The following ZNF792 variants were observed in gnomAD, a reference collection of about 807,000 sequenced individuals.
The protein encoded by ZNF792 is zinc finger protein 792.
A neutral mutation model predicts 13.1 loss-of-function variants in ZNF792; 14 were observed. The observed-to-expected ratio is 1.07, with a 90% CI of 0.71 to 1.67. The LOEUF is 1.67. Ranked by LOEUF, ZNF792 falls within the 40% of genes most tolerant of loss-of-function variation. The pLI, the probability that ZNF792 is intolerant of heterozygous loss-of-function variation, is 0.00. For missense variants in ZNF792, 740 were observed against 807.9 expected (o/e 0.92, Z 1.02); for synonymous variants, 257 against 292.0 (o/e 0.88, Z 1.22).
chr19:34,959,372 C>A lies in ZNF792; in HGVS notation c.483G>T (p.Val161=), dbSNP rs1351954142. 1.9e-6 allele frequency: 3 copies of A among 1,614,026 alleles called. No individual in the cohort carries two copies. The highest frequency in any genetic ancestry group is 2.7e-5 in the African/African-American group (2 of 74,940). ...QTTHPRQKPF[V]CEAYVKGSEF... ...CAGAGCCTTTCACATATGCCTCACA[C>A]ACAAATGGTTTCTGCCTGGGATGTG... Residue 161 remains valine, a synonymous_variant, in exon 4 of 4, where the codon GTG becomes GTT. Coordinates refer to ENST00000404801, the MANE Select transcript of ZNF792 (RefSeq NM_175872.5).
In ZNF792 at chr19:34,963,909, G is replaced by C. The variant is rs891328130; in HGVS notation, c.-247C>G. The C allele has an allele frequency of 2.1e-6, 1 of 478,000 alleles. No individual in the cohort carries two copies. The highest frequency in any genetic ancestry group is 2.0e-5 in the African/African-American group (1 of 48,890). The allele number at this position is 478,000 out of a possible 1,614,324, so 29.6% of individuals were successfully genotyped here. ...ACCCCCGTTGCAAGGGGTCACGGCT[G>C]GTGCAAAGGCGCGGAGGGGGTCCCG... On this transcript the variant is annotated 5_prime_UTR_variant, in exon 1 of 4. Coordinates refer to ENST00000404801, the MANE Select transcript of ZNF792 (RefSeq NM_175872.5).
chr19:34,958,518 C>T lies in ZNF792; in HGVS notation c.1337G>A (p.Gly446Asp). 6.3e-7 allele frequency: 1 copy of T among 1,593,012 alleles called. No homozygotes were observed. The highest frequency in any genetic ancestry group is 1.2e-5 in the South Asian group (1 of 86,648). ...SLIQHQIVHT[G>D]ERPHGCGECG... ...CTCACCACACCCGTGAGGCCGCTCGCCAGTGTGAACTATCTGATGTTGAAT... is the reference window on the plus strand; with the variant it reads ...CTCACCACACCCGTGAGGCCGCTCGTCAGTGTGAACTATCTGATGTTGAAT... The change falls in exon 4 of 4, where the codon GGC becomes GAC. Residue 446 changes from glycine to aspartate, a missense_variant. By Grantham distance (94) the Gly-to-Asp change is moderately conservative. Coordinates refer to ENST00000404801, the MANE Select transcript of ZNF792 (RefSeq NM_175872.5).
In ZNF792 at chr19:34,958,750, T is replaced by C; in HGVS notation, c.1105A>G (p.Ser369Gly). The C allele has an allele frequency of 6.2e-7, 1 of 1,614,028 alleles. No homozygotes were observed. The highest frequency in any genetic ancestry group is 8.5e-7 in the Non-Finnish European group (1 of 1,179,984). ...VHTGEKPYEC[S>G]DCGKFFSQRS... ...TGGCTGAAGAACTTCCCACAGTCGCTGCACTCATATGGCTTTTCACCAGTG... is the reference window on the plus strand; with the variant it reads ...TGGCTGAAGAACTTCCCACAGTCGCCGCACTCATATGGCTTTTCACCAGTG... Residue 369 changes from serine to glycine, a missense_variant, in exon 4 of 4, where the codon AGC becomes GGC. Ser to Gly is a moderately conservative substitution (Grantham distance 56). Transcript: ENST00000404801.
At position 34,959,278 on chromosome 19, in the gene ZNF792, C is replaced by G. The variant is rs762322326; in HGVS notation, c.577G>C (p.Gly193Arg). The G allele has an allele frequency of 6.2e-7, 1 of 1,613,986 alleles. No individual in the cohort carries two copies. Among genetic ancestry groups the G allele is most frequent in the East Asian group, 2.2e-5 (1 of 44,882 alleles). Residue 193 changes from glycine to arginine, a missense_variant, in exon 4 of 4, where the codon GGC becomes CGC. Coordinates refer to ENST00000404801, the MANE Select transcript of ZNF792 (RefSeq NM_175872.5). Reference sequence around the variant, plus strand: ...CAGGTCTTTACAGGGGAAGCCTGGCCCTCCTCCGTTCTGATAGGGTTGTGT... The same window carrying G: ...CAGGTCTTTACAGGGGAAGCCTGGCGCTCCTCCGTTCTGATAGGGTTGTGT... Reference protein sequence around the residue: ...NVHNPIRTEEGQASPVKTCRD... With the variant: ...NVHNPIRTEERQASPVKTCRD...
chr19:34,956,832 T>C lies in ZNF792; in HGVS notation c.*1124A>G, dbSNP rs1044957128. 3 of 152,358 alleles carry C rather than the reference T, an allele frequency of 2.0e-5. No individual in the cohort carries two copies. The highest frequency in any genetic ancestry group is 4.8e-5 in the African/African-American group (2 of 41,578). 9.4% of individuals were successfully genotyped at this position (152,358 alleles called of 1,614,324 possible). A position where few individuals can be genotyped will look rare whatever the true frequency, so the allele number is the denominator to read the frequency against. On this transcript the variant is annotated 3_prime_UTR_variant, in exon 4 of 4. Transcript: ENST00000404801. Reference sequence around the variant, plus strand: ...GGCCTTCAGATGCACAGCACGGAGATGGTAATCCACAAAACCAAAACCTTT... The same window carrying C: ...GGCCTTCAGATGCACAGCACGGAGACGGTAATCCACAAAACCAAAACCTTT...
chr19:34,960,468 G>C, intron 2 of ZNF792, 111 bp from the exon 3 acceptor site: 1 of 1,357,418 alleles, frequency 7.4e-7, no homozygotes, highest in Non-Finnish European at 1.0e-6. Flanking sequence ...GGGTGGTCAC[G>C]GCAAGCAGTA....
intron 2 of ZNF792, chr19:34,960,628 C>CT: frequency 2.9e-6 from 2 of 693,232 alleles, no homozygotes; most frequent in Non-Finnish European, 4.7e-6. Context: ...CAGCTAACCG[C>CT]AAGACCCCTC....
chr19:34,960,340 A>T lies in ZNF792; in HGVS notation c.178T>A (p.Ser60Thr). 1 of 1,613,446 alleles carries T rather than the reference A, an allele frequency of 6.2e-7. No individual in the cohort carries two copies. Among genetic ancestry groups the T allele is most frequent in the Non-Finnish European group, 8.5e-7 (1 of 1,179,704 alleles). The part of the protein sequence containing the change: ...IASLGLISFR[S>T]HIVSQLEMGK... ...ATCTCCAACTGGGAAACGATGTGGG[A>T]CCTGAAAGATATAAGTCCTAAGGGA... The change falls in exon 3 of 4, where the codon TCC becomes ACC. Residue 60 changes from serine to threonine, a missense_variant. Physicochemically the swap from Ser to Thr is moderately conservative, Grantham distance 58. Coordinates refer to ENST00000404801, the MANE Select transcript of ZNF792 (RefSeq NM_175872.5).
intron 1 of ZNF792, among the ~76,000 whole-genome samples, chr19:34,961,336 G>A (rs1030513018): frequency 1.3e-5 from 2 of 152,068 alleles, no homozygotes; most frequent in Non-Finnish European, 2.9e-5. Context: ...TCCCTCCCAC[G>A]TGCGTTTCAC....
At chr19:34,961,122 C>T (rs2013522455) in intron 1 of ZNF792, 128 bp from the exon 2 acceptor site, 16 of 1,319,926 alleles carry the variant, frequency 1.2e-5, no homozygotes, top group Middle Eastern at 2.0e-4. Flanking sequence ...CTGTGGGCGC[C>T]TCATGTGACC....
chr19:34,964,196 G>C lies in ZNF792; in HGVS notation c.-534C>G, dbSNP rs1361759186. On this transcript the variant is annotated 5_prime_UTR_variant, in exon 1 of 4. Coordinates refer to ENST00000404801, the MANE Select transcript of ZNF792 (RefSeq NM_175872.5). ...CCTGGGGATCGCGAGTTTCTGCCCA[G>C]CCTCTCGTCAGGCTGAGGGTCCAGG... The C allele has an allele frequency of 6.5e-6, 1 of 153,762 alleles. No homozygotes were observed. The highest frequency in any genetic ancestry group is 1.4e-5 in the Non-Finnish European group (1 of 69,228). 9.5% of individuals were successfully genotyped at this position (153,762 alleles called of 1,614,324 possible).
chr19:34,958,454 T>A lies in ZNF792; in HGVS notation c.1401A>T (p.Lys467Asn). 3 of 1,603,688 alleles carry A rather than the reference T, an allele frequency of 1.9e-6. No individual in the cohort carries two copies. The highest frequency in any genetic ancestry group is 1.7e-6 in the Non-Finnish European group (2 of 1,175,246). ...GCTCACCAGTGTGAACTCGCTGATG[T>A]TTCATGAGGTCAGAGCTTCGGCTGA... ...KAFSRSSDLM[K>N]HQRVHTGERP... The change falls in exon 4 of 4, where the codon AAA becomes AAT. Residue 467 changes from lysine to asparagine, a missense_variant. By Grantham distance (94) the Lys-to-Asn change is moderately conservative. Coordinates refer to ENST00000404801, the MANE Select transcript of ZNF792 (RefSeq NM_175872.5).
Position 34,959,060 on chromosome 19 carries a change from G to A in ZNF792, c.795C>T (p.Asn265=). ...TCTGGTGCTGAACAAGAGTGGATTTGTTATTGAAGGCATCCCCAGATTCAC... is the reference window on the plus strand; with the variant it reads ...TCTGGTGCTGAACAAGAGTGGATTTATTATTGAAGGCATCCCCAGATTCAC... ...KCCESGDAFN[N]KSTLVQHQRI... The change falls in exon 4 of 4, where the codon AAC becomes AAT. Residue 265 remains asparagine (N), a synonymous_variant. Transcript: ENST00000404801. 6.2e-7 allele frequency: 1 copy of A among 1,614,174 alleles called. No homozygotes were observed. The highest frequency in any genetic ancestry group is 8.5e-7 in the Non-Finnish European group (1 of 1,179,984).
chr19:34,959,275 G>A lies in ZNF792; in HGVS notation c.580C>T (p.Gln194Ter), dbSNP rs751997467. ...VHNPIRTEEGQASPVKTCRDH... is the reference protein window; with the variant it reads ...VHNPIRTEEG ...CTGCAGGTCTTTACAGGGGAAGCCT[G>A]GCCCTCCTCCGTTCTGATAGGGTTG... Residue 194 changes from glutamine to a stop codon, truncating the protein, a stop_gained, in exon 4 of 4, where the codon CAG (glutamine) becomes TAG (stop). Coordinates refer to ENST00000404801, the MANE Select transcript of ZNF792 (RefSeq NM_175872.5). LOFTEE classifies it low-confidence loss of function (END_TRUNC). The A allele has an allele frequency of 2.8e-5, 45 of 1,613,910 alleles. No individual in the cohort carries two copies. The highest frequency in any genetic ancestry group is 3.6e-5 in the Non-Finnish European group (43 of 1,179,912).
chr19:34,958,138 G>A lies in ZNF792; in HGVS notation c.1717C>T (p.Gln573Ter). ...ECSECGKAFN[Q>*]RPTLIRHQKI... ...TGATGCCGAATGAGGGTAGGCCTTT[G>A]GTTGAAGGCTTTCCCACATTCGCTG... The change falls in exon 4 of 4, where the codon CAA (glutamine) becomes TAA (stop). Residue 573 changes from glutamine to a stop codon, truncating the protein, a stop_gained. Transcript: ENST00000404801. LOFTEE classifies it low-confidence loss of function (END_TRUNC). 1 of 1,613,708 alleles carries A rather than the reference G, an allele frequency of 6.2e-7. No homozygotes were observed. Among genetic ancestry groups the A allele is most frequent in the Non-Finnish European group, 8.5e-7 (1 of 1,179,728 alleles).
intron 2 of ZNF792, 164 bp downstream of exon 2, chr19:34,960,704 A>C: frequency 1.9e-6 from 2 of 1,051,696 alleles, no homozygotes; most frequent in Non-Finnish European, 2.8e-6. Flanking sequence ...AGAGGAGGGA[A>C]CAATGCACAT....
At chr19:34,962,683 G>A (rs941529799) in intron 1 of ZNF792, among the ~76,000 whole-genome samples, 12 of 152,098 alleles carry the variant, frequency 7.9e-5, no homozygotes, top group African/African-American at 2.9e-4. Context: ...CAGGTTCTGG[G>A]GCAGAGTTCT....
At chr19:34,960,493 T>C (rs2013511766) in intron 2 of ZNF792, 136 bp from the exon 3 acceptor site, 4 of 1,084,612 alleles carry the variant, frequency 3.7e-6, no homozygotes, top group Non-Finnish European at 5.2e-6. Flanking sequence ...CATCAGTGAT[T>C]GGAATTCCTG....
intron 2 of ZNF792, 155 bp from the exon 3 acceptor site, chr19:34,960,512 A>T (rs73593697): frequency 1.0e-6 from 1 of 953,570 alleles, no homozygotes; most frequent in Non-Finnish European, 1.5e-6. Context: ...TGGCACAGTC[A>T]GGCTTAGGAA....
Sources: allele counts gnomAD v4.1 joint callset (sites outside exome capture counted in the v4.1 genomes callset), GRCh38; gene constraint gnomAD v4.1.1; transcripts MANE v1.5; gene names NCBI Gene and HGNC (gene_info 2026-07-23, HGNC 2026-07-21).